The following PTPRJ variants were observed in gnomAD, a reference collection of about 807,000 sequenced individuals.
The protein encoded by PTPRJ is protein tyrosine phosphatase receptor type J.
Under a neutral mutation model 141.3 loss-of-function variants are expected in PTPRJ, and 129 were observed. That is an observed-to-expected ratio of 0.91 (90% CI 0.79 to 1.06). The LOEUF is 1.06. Among genes scored for constraint, PTPRJ ranks in the 50% least tolerant of loss-of-function variants. The pLI is 0.00. For missense variants in PTPRJ, 1,601 were observed against 1,679.7 expected, an observed-to-expected ratio of 0.95 and a Z score of 0.82; for synonymous variants, 610 against 640.5, an observed-to-expected ratio of 0.95 and a Z score of 0.72.
chr11:48,057,579 T>C (rs1023997601), intron 1 of PTPRJ, among the ~76,000 whole-genome samples: 1 of 151,866 alleles, frequency 6.6e-6, no homozygotes, highest in Admixed American at 6.6e-5. Flanking sequence ...GTGGAGGTGG[T>C]GGCAGCGGTA....
rs1273998714 is a variant in PTPRJ at position 48,136,986 on chromosome 11, T to A, written c.1874-17T>A. 1 of 1,555,754 alleles carries A rather than the reference T, an allele frequency of 6.4e-7. No individual in the cohort carries two copies. Among genetic ancestry groups the A allele is most frequent in the Non-Finnish European group, 8.8e-7 (1 of 1,134,852 alleles). Reference sequence around the variant, plus strand: ...AATCTGTGCTTTTACATGAATTGCCTTTTTTTTAAAATCAAGGGCCCAGCA... The same window carrying A: ...AATCTGTGCTTTTACATGAATTGCCATTTTTTTAAAATCAAGGGCCCAGCA... On this transcript the variant is annotated splice_polypyrimidine_tract_variant and intron_variant, in intron 9 of 24. Coordinates refer to ENST00000418331, the MANE Select transcript of PTPRJ (RefSeq NM_002843.4).
intron 22 of PTPRJ, 119 bp from the exon 23 acceptor site, chr11:48,163,339 T>C: frequency 1.1e-6 from 1 of 925,060 alleles, no homozygotes; most frequent in Non-Finnish European, 1.6e-6. Context: ...AATGTAAAGT[T>C]TAATTTTTAG....
At chr11:48,074,786 T>C (rs895386433) in intron 1 of PTPRJ, among the ~76,000 whole-genome samples, 1 of 152,190 alleles carries the variant, frequency 6.6e-6, no homozygotes, top group Non-Finnish European at 1.5e-5. Context: ...TGCCCTAGTT[T>C]TTAGGTAATT....
chr11:48,054,223 G>C (rs1424519086), intron 1 of PTPRJ, among the ~76,000 whole-genome samples: 2 of 152,166 alleles, frequency 1.3e-5, no homozygotes, highest in African/African-American at 4.8e-5. Context: ...CGTGAGCCAT[G>C]GCGCCCGGCC....
chr11:48,125,310 TGGA>T, intron 6 of PTPRJ, 124 bp downstream of exon 6: 1 of 1,056,668 alleles, frequency 9.5e-7, no homozygotes, highest in South Asian at 1.5e-5. Flanking sequence ...GGGAGCTTCC[TGGA>T]GGAGATTTTG....
At chr11:48,051,641 A>G (rs1854573699) in intron 1 of PTPRJ, among the ~76,000 whole-genome samples, 1 of 152,234 alleles carries the variant, frequency 6.6e-6, no homozygotes, top group Non-Finnish European at 1.5e-5. Flanking sequence ...ACCTCAGGGC[A>G]TTGCATAACT....
chr11:48,120,943 C>T, intron 3 of PTPRJ, 60 bp from the exon 4 acceptor site: 3 of 1,427,650 alleles, frequency 2.1e-6, no homozygotes, highest in Non-Finnish European at 2.8e-6. Flanking sequence ...ATAGAGCAGA[C>T]CTCACTCTTA....
At chr11:48,045,411 C>G (rs1300048493) in intron 1 of PTPRJ, among the ~76,000 whole-genome samples, 1 of 152,168 alleles carries the variant, frequency 6.6e-6, no homozygotes, top group African/African-American at 2.4e-5. Flanking sequence ...AGACATCCTT[C>G]AAGATTGAAG....
intron 1 of PTPRJ, among the ~76,000 whole-genome samples, chr11:48,047,863 CG>C (rs1435586312): frequency 3.9e-5 from 6 of 152,004 alleles, no homozygotes; most frequent in Non-Finnish European, 8.8e-5. Context: ...GGGCAGATGC[CG>C]GGTGGTTCTG....
At chr11:48,155,340 T>C in intron 19 of PTPRJ, among the ~76,000 whole-genome samples, 1 of 152,302 alleles carries the variant, frequency 6.6e-6, no homozygotes, top group Admixed American at 6.5e-5. Flanking sequence ...TCACCAGATA[T>C]ATGAACTTGG....
intron 1 of PTPRJ, among the ~76,000 whole-genome samples, chr11:48,091,821 C>G (rs1294321371): frequency 2.0e-5 from 3 of 152,170 alleles, no homozygotes; most frequent in Non-Finnish European, 4.4e-5. Context: ...GTCCCCTCCC[C>G]AACCATAAGA....
intron 1 of PTPRJ, among the ~76,000 whole-genome samples, chr11:47,998,561 C>G (rs906437345): frequency 6.6e-5 from 10 of 152,290 alleles, no homozygotes; most frequent in Non-Finnish European, 7.4e-5. Flanking sequence ...TCAGCAGCAA[C>G]TTAGTAGCTT....
At chr11:48,163,743 A>G in intron 23 of PTPRJ, 125 bp downstream of exon 23, 1 of 1,196,466 alleles carries the variant, frequency 8.4e-7, no homozygotes. Context: ...AGGTTTGGAT[A>G]AGGAACCATG....
chr11:48,003,392 G>A (rs1367538430), intron 1 of PTPRJ, among the ~76,000 whole-genome samples: 1 of 151,970 alleles, frequency 6.6e-6, no homozygotes, highest in Non-Finnish European at 1.5e-5. Flanking sequence ...GTTCCAAAAG[G>A]AATTCATTGT....
chr11:48,034,850 G>A (rs756065930), intron 1 of PTPRJ, among the ~76,000 whole-genome samples: 4 of 152,196 alleles, frequency 2.6e-5, no homozygotes, highest in Non-Finnish European at 5.9e-5. Context: ...ACTGGTAATT[G>A]TTGTGCTTTA....
chr11:48,026,996 C>CTT lies in PTPRJ; in HGVS notation c.96+46013_96+46014dup, dbSNP rs1206503872. Reference sequence around the variant, plus strand: ...TGATTTGGATGGGTCTTGGAATACCCTTTTTTTTTTTTTTTTTTTTTTTTT... The same window carrying CTT: ...TGATTTGGATGGGTCTTGGAATACCCTTTTTTTTTTTTTTTTTTTTTTTTTTT... On this transcript the variant is annotated intron_variant, in intron 1 of 24. Coordinates refer to ENST00000418331, the MANE Select transcript of PTPRJ (RefSeq NM_002843.4). 8.6e-4 allele frequency among the ~76,000 whole-genome samples: 97 copies of CTT among 113,226 alleles called. 1 individual carries two copies. The highest frequency in any genetic ancestry group is 4.1e-3 in the Middle Eastern group (1 of 242). 74.3% of individuals were successfully genotyped at this position (113,226 alleles called of 152,430 possible).
intron 16 of PTPRJ, 70 bp downstream of exon 16, chr11:48,149,558 TTTGATGGAAC>T: frequency 9.2e-7 from 1 of 1,083,986 alleles, no homozygotes; most frequent in Non-Finnish European, 1.3e-6. Flanking sequence ...ATAAATAATT[TTTGATGGAAC>T]TTGCTGTCAT....
chr11:48,095,829 C>G (rs1037819883), intron 1 of PTPRJ, among the ~76,000 whole-genome samples: 2 of 152,204 alleles, frequency 1.3e-5, no homozygotes, highest in Non-Finnish European at 2.9e-5. Context: ...GATCCACCCA[C>G]CTCGGCCTCT....
At chr11:48,058,389 T>G (rs1222257426) in intron 1 of PTPRJ, among the ~76,000 whole-genome samples, 1 of 152,062 alleles carries the variant, frequency 6.6e-6, no homozygotes, top group Non-Finnish European at 1.5e-5. Flanking sequence ...AATTTTTTTT[T>G]TGGTAGAGAT....
Sources: gnomAD v4.1 joint callset for allele counts (sites outside exome capture counted in the v4.1 genomes callset) on GRCh38, gnomAD v4.1.1 for gene constraint, MANE v1.5 for transcripts, NCBI Gene and HGNC (gene_info 2026-07-23, HGNC 2026-07-21) for gene names.